The following SERPINF2 variants were observed in gnomAD, a reference collection of about 807,000 sequenced individuals.
SERPINF2 encodes the protein alpha-2-antiplasmin.
A neutral mutation model predicts 45.0 loss-of-function variants in SERPINF2; 15 were observed. The observed-to-expected ratio is 0.33, with a 90% CI of 0.22 to 0.51. The LOEUF (loss-of-function observed/expected upper bound fraction) is 0.51, where lower values mean the gene tolerates loss of function less well. Ranked by LOEUF, SERPINF2 falls within the 20% of genes least tolerant of loss-of-function variation. SERPINF2 has a pLI of 0.97. For synonymous variants in SERPINF2, 283 were observed against 277.9 expected (o/e 1.02, Z -0.18); for missense variants, 518 against 637.4 (o/e 0.81, Z 2.02).
intron 1 of SERPINF2, among the ~76,000 whole-genome samples, chr17:1,743,792 G>C (rs1164885524): frequency 1.3e-5 from 2 of 151,426 alleles, no homozygotes; most frequent in African/African-American, 2.4e-5. Context: ...TTGGAGCTCT[G>C]CGGTGGAGGC....
intron 7 of SERPINF2, among the ~76,000 whole-genome samples, chr17:1,748,153 T>G (rs979044958): frequency 4.6e-5 from 7 of 151,886 alleles, no homozygotes; most frequent in African/African-American, 1.7e-4. Context: ...ACAAAAAAAT[T>G]AGCTGGGCGT....
chr17:1,752,128 G>T (rs145245755), intron 8 of SERPINF2, among the ~76,000 whole-genome samples: 19,743 of 128,970 alleles, frequency 0.15, 2,919 homozygotes, highest in East Asian at 0.38. Flanking sequence ...CTTGGCTCAT[G>T]GCAACCTCTG....
chr17:1,745,710 G>A lies in SERPINF2; in HGVS notation c.168G>A (p.Glu56=). The A allele has an allele frequency of 6.2e-7, 1 of 1,613,344 alleles. No homozygotes were observed. Among genetic ancestry groups the A allele is most frequent in the Non-Finnish European group, 8.5e-7 (1 of 1,179,970 alleles). The change falls in exon 5 of 10, where the codon GAG becomes GAA. Residue 56 remains glutamate (E), a splice_region_variant and synonymous_variant. Transcript: ENST00000453066. This position sits in a 1 kb window ranked among gnomAD's most constrained non-coding sequence, Gnocchi z 6.2. The stretch of plus-strand genomic sequence containing the variant: ...TGACCCCTGATCTGTCCCTGCAGGA[G>A]CCTGGTGGCCAGACTGCCCTGAAGA... ...PLTLLKLGNQ[E]PGGQTALKSP... is the part of the protein sequence containing the mutation.
At chr17:1,746,179 G>A (rs777506635) in intron 5 of SERPINF2, among the ~76,000 whole-genome samples, 9 of 152,136 alleles carry the variant, frequency 5.9e-5, no homozygotes, top group East Asian at 2.0e-4. Context: ...TTAGCTGTGC[G>A]TGGTGGTGCG....
chr17:1,752,528 A>AC lies in SERPINF2; in HGVS notation c.859-53dup. The AC allele has an allele frequency of 5.2e-6, 8 of 1,534,998 alleles. No individual in the cohort carries two copies. In the East Asian group the frequency reaches 1.3e-4, roughly 26 times the overall value. On this transcript the variant is annotated intron_variant, in intron 8 of 9. Coordinates refer to ENST00000453066, the MANE Select transcript of SERPINF2 (RefSeq NM_000934.4). ...TGCCTTAGGAGCACCTGCTGGCCCC[A>AC]CCCCCACTTAGCTTCGGGGCTTTCT...
chr17:1,753,838 A>G, intron 9 of SERPINF2, among the ~76,000 whole-genome samples: 1 of 152,198 alleles, frequency 6.6e-6, no homozygotes, highest in East Asian at 1.9e-4. Flanking sequence ...ACGAGCAATC[A>G]CATACTTACT....
chr17:1,743,513 C>T (rs893926284), intron 1 of SERPINF2, among the ~76,000 whole-genome samples: 6 of 151,390 alleles, frequency 4.0e-5, no homozygotes, highest in Admixed American at 6.6e-5. Context: ...GTCAGGAGTT[C>T]GAGACCAGCC....
At chr17:1,752,513 GCACCTGCTGGCCC>G in intron 8 of SERPINF2, 60 bp from the exon 9 acceptor site, 1 of 1,378,658 alleles carries the variant, frequency 7.3e-7, no homozygotes, top group Non-Finnish European at 1.0e-6. Flanking sequence ...TGCCTTAGGA[GCACCTGCTGGCCC>G]CACCCCCACT....
Position 1,745,989 on chromosome 17 carries a change from G to A in SERPINF2, c.367+80G>A, listed in dbSNP as rs57145218. 0.011 allele frequency: 15,884 copies of A among 1,486,700 alleles called. 964 individuals are homozygous for A. The African/African-American group carries it at 0.16, about 15-fold the overall frequency. 92.1% of individuals were successfully genotyped at this position (1,486,700 alleles called of 1,614,324 possible). A position where few individuals can be genotyped will look rare whatever the true frequency, so the allele number is the denominator to read the frequency against. On this transcript the variant is annotated intron_variant, in intron 5 of 9. Coordinates refer to ENST00000453066, the MANE Select transcript of SERPINF2 (RefSeq NM_000934.4). This position sits in a 1 kb window ranked among gnomAD's most constrained non-coding sequence, Gnocchi z 6.2. ...AGTACTCCAATGGTTCTCCGCGGGC[G>A]GTTCCTCCACCAGGGTCACGTGGCT...
Position 1,745,091 on chromosome 17 carries a change from G to A in SERPINF2, c.63+33G>A. The A allele has an allele frequency of 6.2e-7, 1 of 1,610,648 alleles. No homozygotes were observed. Among genetic ancestry groups the A allele is most frequent in the East Asian group, 2.2e-5 (1 of 44,830 alleles). Reference sequence around the variant, plus strand: ...TGGGCTGAAGTCAAGGTGGGGTGGGGTGGAGGGGGAAGAAGAGGGGCGTTG... The same window carrying A: ...TGGGCTGAAGTCAAGGTGGGGTGGGATGGAGGGGGAAGAAGAGGGGCGTTG... On this transcript the variant is annotated intron_variant, in intron 2 of 9. Coordinates refer to ENST00000453066, the MANE Select transcript of SERPINF2 (RefSeq NM_000934.4). The surrounding 1 kb of genome is among the most constrained non-coding windows in gnomAD (Gnocchi z 6.2).
At chr17:1,746,879 C>T in intron 5 of SERPINF2, 140 bp from the exon 6 acceptor site, 1 of 1,182,976 alleles carries the variant, frequency 8.5e-7, no homozygotes, top group Non-Finnish European at 1.2e-6. Context: ...GAGAGCCACG[C>T]AGAACAGATC....
chr17:1,750,044 GCT>G (rs1472799527), intron 8 of SERPINF2, among the ~76,000 whole-genome samples: 2 of 151,808 alleles, frequency 1.3e-5, no homozygotes, highest in African/African-American at 4.8e-5. Context: ...CACGATCTCG[GCT>G]CACTGCAGCC....
chr17:1,752,052 G>GT lies in SERPINF2; in HGVS notation c.859-526dup, dbSNP rs141617641. On this transcript the variant is annotated intron_variant, in intron 8 of 9. Transcript: ENST00000453066. ...TGACAGCGGACACTGCTACAATGTTGTTTTTTTTCTTTTTTTGAGACGGAT... is the reference window on the plus strand; with the variant it reads ...TGACAGCGGACACTGCTACAATGTTGTTTTTTTTTCTTTTTTTGAGACGGAT... Among the ~76,000 whole-genome samples, 411 of 137,052 alleles carry GT rather than the reference G, an allele frequency of 3.0e-3. 15 individuals carry two copies. The highest frequency in any genetic ancestry group is 9.6e-3 in the African/African-American group (392 of 40,628). 89.9% of individuals were successfully genotyped at this position (137,052 alleles called of 152,430 possible).
intron 8 of SERPINF2, among the ~76,000 whole-genome samples, chr17:1,751,287 A>G (rs1906370682): frequency 2.0e-5 from 3 of 151,918 alleles, no homozygotes; most frequent in Non-Finnish European, 4.4e-5. Flanking sequence ...CGTCTCTACT[A>G]AAAATACATC....
At chr17:1,746,990 C>G (rs200409191) in intron 5 of SERPINF2, 29 bp from the exon 6 acceptor site, 39 of 1,598,686 alleles carry the variant, frequency 2.4e-5, no homozygotes, top group Non-Finnish European at 3.2e-5. Context: ...GACCCGCAGC[C>G]GGGCCTCAGC....
rs768393209 is a variant in SERPINF2 at position 1,754,225 on chromosome 17, C to T, written c.1167C>T (p.Val389=). The change falls in exon 10 of 10, where the codon GTC becomes GTT. Residue 389 remains valine (V), a synonymous_variant. Transcript: ENST00000453066. The part of the protein sequence containing the change: ...QHQSTLELSE[V]GVEAAAATSI... ...AGTCCACCCTGGAGCTCAGCGAGGTCGGCGTGGAGGCGGCGGCGGCCACCA... is the reference window on the plus strand; with the variant it reads ...AGTCCACCCTGGAGCTCAGCGAGGTTGGCGTGGAGGCGGCGGCGGCCACCA... The T allele has an allele frequency of 3.6e-5, 58 of 1,613,944 alleles. No homozygotes were observed. The highest frequency in any genetic ancestry group is 2.5e-4 in the African/African-American group (19 of 75,074).
At chr17:1,747,723 C>T (rs1386278639) in intron 7 of SERPINF2, among the ~76,000 whole-genome samples, 1 of 152,176 alleles carries the variant, frequency 6.6e-6, no homozygotes, top group East Asian at 1.9e-4. Flanking sequence ...TGCCACCACA[C>T]CCAGCTAATT....
At position 1,747,517 on chromosome 17, in the gene SERPINF2, G is replaced by A. The variant is rs376980433; in HGVS notation, c.715+5G>A. On this transcript the variant is annotated splice_donor_5th_base_variant and intron_variant, in intron 7 of 9. Transcript: ENST00000453066. ...TCAACGCCATCCACTTCCAGGGTGC[G>A]CTCCTCCTCCTCTCAGATCCCCCAC... 7.4e-6 allele frequency: 12 copies of A among 1,613,364 alleles called. No individual in the cohort carries two copies. Among genetic ancestry groups the A allele is most frequent in the African/African-American group, 2.7e-5 (2 of 75,028 alleles).
chr17:1,748,779 G>A lies in SERPINF2; in HGVS notation c.858+39G>A, dbSNP rs1906108485. The A allele has an allele frequency of 5.7e-6, 6 of 1,061,828 alleles. No homozygotes were observed. The Admixed American group carries it at 1.0e-4, about 18-fold the overall frequency. 65.8% of individuals were successfully genotyped at this position (1,061,828 alleles called of 1,614,324 possible). A position where few individuals can be genotyped will look rare whatever the true frequency, so the allele number is the denominator to read the frequency against. On this transcript the variant is annotated intron_variant, in intron 8 of 9. Transcript: ENST00000453066. Reference sequence around the variant, plus strand: ...GTCCAGCAGGCTGGGCCTGAGGCTGGGAGGTGGGGAAGGGAGTGGACAGGC... The same window carrying A: ...GTCCAGCAGGCTGGGCCTGAGGCTGAGAGGTGGGGAAGGGAGTGGACAGGC...
Sources: allele counts gnomAD v4.1 joint callset (sites outside exome capture counted in the v4.1 genomes callset), GRCh38; gene constraint gnomAD v4.1.1; non-coding constraint Gnocchi (gnomAD v3.1); transcripts MANE v1.5; gene names NCBI Gene and HGNC (gene_info 2026-07-23, HGNC 2026-07-21).